Variants in PCDHGB2 observed in about 807,000 individuals in gnomAD.
PCDHGB2 encodes the protein protocadherin gamma-B2.
PCDHGB2 carries 55 observed loss-of-function variants against 59.3 expected under a neutral mutation model. The ratio of observed to expected loss-of-function variants is 0.93; its 90% CI spans 0.75 to 1.16. The LOEUF is 1.16. Among genes scored for constraint, PCDHGB2 ranks in the 50% most tolerant of loss-of-function variants. The pLI is 0.00. For missense variants in PCDHGB2, 1,228 were observed against 1,198.5 expected (o/e 1.02, Z -0.36); for synonymous variants, 516 against 512.0 (o/e 1.01, Z -0.11).
intron 1 of PCDHGB2, chr5:141,404,335 C>G (rs2094514976): frequency 1.2e-6 from 2 of 1,613,936 alleles, no homozygotes; most frequent in Non-Finnish European, 1.7e-6. Context: ...CAGTCTACCT[C>G]CCGGAAAACA....
intron 1 of PCDHGB2, chr5:141,418,983 A>T: frequency 6.2e-7 from 1 of 1,613,900 alleles, no homozygotes; most frequent in Admixed American, 1.7e-5. Context: ...CGGGACCAAG[A>T]CTCAGGGGAA....
intron 1 of PCDHGB2, chr5:141,403,515 G>A: frequency 6.2e-7 from 1 of 1,614,024 alleles, no homozygotes; most frequent in Non-Finnish European, 8.5e-7. Context: ...GGAGACAATG[G>A]AGCCATAAAC....
At position 141,362,551 on chromosome 5, in the gene PCDHGB2, T is replaced by C. The variant is rs767580299; in HGVS notation, c.2416T>C (p.Leu806=). ...AGVPFASDTI[L]KQAPPNTDWR... ...GGTCCCTTTTGCCTCAGATACTATT[T>C]TGAAGGTGAGCTTTAATTAATTTAT... is the stretch of plus-strand genomic sequence containing the variant. The change falls in exon 1 of 4, where the codon TTG becomes CTG. Residue 806 remains leucine, a synonymous_variant. Transcript: ENST00000522605. 4 of 1,612,614 alleles carry C rather than the reference T, an allele frequency of 2.5e-6. No individual in the cohort carries two copies. Among genetic ancestry groups the C allele is most frequent in the Non-Finnish European group, 3.4e-6 (4 of 1,179,384 alleles).
At chr5:141,403,868 A>T (rs2094463706) in intron 1 of PCDHGB2, 2 of 1,613,752 alleles carry the variant, frequency 1.2e-6, no homozygotes, top group Non-Finnish European at 1.7e-6. Context: ...AACAGCAAAA[A>T]GTCTAGATTA....
chr5:141,408,313 T>C, intron 1 of PCDHGB2: 1 of 1,613,758 alleles, frequency 6.2e-7, no homozygotes, highest in South Asian at 1.1e-5. Context: ...GCTACTCGAT[T>C]CCGGAGGAGC....
At chr5:141,438,637 C>T (rs11958903) in intron 1 of PCDHGB2, among the ~76,000 whole-genome samples, 3,503 of 30,116 alleles carry the variant, frequency 0.12, 108 homozygotes, top group Non-Finnish European at 0.15. Context: ...TATATATATA[C>T]ACACACACAC....
In PCDHGB2 at chr5:141,476,034, C is replaced by G. The variant is rs934044974; in HGVS notation, c.2422-18773C>G. On this transcript the variant is annotated intron_variant, in intron 1 of 3. Transcript: ENST00000522605. This position sits in a 1 kb window ranked among gnomAD's most constrained non-coding sequence, Gnocchi z 7.6. ...CCATGTCGGACTCGGCGCCCAGCGC[C>G]CAAGCGCTAACCCGCTGAAAGTTTC... The G allele has an allele frequency of 2.0e-6, 3 of 1,464,488 alleles. No homozygotes were observed. Among genetic ancestry groups the G allele is most frequent in the Non-Finnish European group, 2.7e-6 (3 of 1,100,656 alleles). 90.7% of individuals were successfully genotyped at this position (1,464,488 alleles called of 1,614,324 possible). A position where few individuals can be genotyped will look rare whatever the true frequency, so the allele number is the denominator to read the frequency against.
In PCDHGB2 at chr5:141,476,238, G is replaced by A; in HGVS notation, c.2422-18569G>A. The A allele has an allele frequency of 1.2e-6, 2 of 1,614,098 alleles. No individual in the cohort carries two copies. ...ATTCACTATGAGATCCCGGAGGAAAGAGAGAAGGGTTTCGCTGTGGGCAAC... is the reference window on the plus strand; with the variant it reads ...ATTCACTATGAGATCCCGGAGGAAAAAGAGAAGGGTTTCGCTGTGGGCAAC... On this transcript the variant is annotated intron_variant, in intron 1 of 3. Coordinates refer to ENST00000522605, the MANE Select transcript of PCDHGB2 (RefSeq NM_018923.3). The surrounding 1 kb of genome is among the most constrained non-coding windows in gnomAD (Gnocchi z 7.6).
intron 1 of PCDHGB2, among the ~76,000 whole-genome samples, chr5:141,367,981 T>C (rs908218120): frequency 6.6e-6 from 1 of 152,212 alleles, no homozygotes; most frequent in African/African-American, 2.4e-5. Context: ...TCATCTTAAA[T>C]TAATAGATTT....
At chr5:141,433,849 A>AC (rs1304649814) in intron 1 of PCDHGB2, among the ~76,000 whole-genome samples, 10 of 152,030 alleles carry the variant, frequency 6.6e-5, no homozygotes, top group Admixed American at 1.3e-4. Flanking sequence ...AAAAAAAAAA[A>AC]AAAAAACTTT....
At chr5:141,369,372 TA>T (rs1766193599) in intron 1 of PCDHGB2, among the ~76,000 whole-genome samples, 1 of 152,142 alleles carries the variant, frequency 6.6e-6, no homozygotes, top group Non-Finnish European at 1.5e-5. Flanking sequence ...ACATCCTTTG[TA>T]AAAGTTTTTC....
intron 1 of PCDHGB2, among the ~76,000 whole-genome samples, chr5:141,364,008 C>G (rs553317478): frequency 6.6e-6 from 1 of 152,076 alleles, no homozygotes; most frequent in African/African-American, 2.4e-5. Flanking sequence ...TCATAAACAA[C>G]GCTACACAGT....
rs1488506612 is a variant in PCDHGB2 at position 141,395,336 on chromosome 5, T to G, written c.2421+32780T>G. ...TTGTGAAGATAGTTGAAAATAATTTTTAAGGTGTATCACAGAGTTTTGGGT... is the reference window on the plus strand; with the variant it reads ...TTGTGAAGATAGTTGAAAATAATTTGTAAGGTGTATCACAGAGTTTTGGGT... On this transcript the variant is annotated intron_variant, in intron 1 of 3. Coordinates refer to ENST00000522605, the MANE Select transcript of PCDHGB2 (RefSeq NM_018923.3). 5 of 1,435,024 alleles carry G rather than the reference T, an allele frequency of 3.5e-6. No homozygotes were observed. In the African/African-American group the frequency reaches 4.3e-5, roughly 12 times the overall value. The allele number at this position is 1,435,024 out of a possible 1,614,324, so 88.9% of individuals were successfully genotyped here. A position where few individuals can be genotyped will look rare whatever the true frequency, so the allele number is the denominator to read the frequency against.
intron 1 of PCDHGB2, chr5:141,390,048 T>C (rs1307418187): frequency 1.2e-6 from 2 of 1,613,948 alleles, no homozygotes; most frequent in African/African-American, 1.3e-5. Context: ...CCCCGCCTCC[T>C]GGAGCTGCTT....
chr5:141,376,297 G>A (rs1283407370), intron 1 of PCDHGB2: 4 of 1,614,068 alleles, frequency 2.5e-6, no homozygotes, highest in Admixed American at 3.3e-5. Flanking sequence ...TGCCCGGCTC[G>A]CACTTTGTGG....
intron 3 of PCDHGB2, among the ~76,000 whole-genome samples, chr5:141,509,622 T>C (rs2099877603): frequency 6.6e-6 from 1 of 152,186 alleles, no homozygotes; most frequent in Non-Finnish European, 1.5e-5. Flanking sequence ...AACAAGTTCC[T>C]GGGTGATGCT....
chr5:141,505,118 C>T (rs544825360), intron 2 of PCDHGB2, among the ~76,000 whole-genome samples: 32 of 152,222 alleles, frequency 2.1e-4, no homozygotes, highest in African/African-American at 7.5e-4. Flanking sequence ...GCCAAGATCG[C>T]GCCACTGCAC....
At position 141,477,898 on chromosome 5, in the gene PCDHGB2, A is replaced by C; in HGVS notation, c.2422-16909A>C. The C allele has an allele frequency of 6.2e-7, 1 of 1,614,158 alleles. No individual in the cohort carries two copies. Among genetic ancestry groups the C allele is most frequent in the East Asian group, 2.2e-5 (1 of 44,864 alleles). ...CTGGCCACCTAGTGTCACGGGTGGT[A>C]GGCTGGGACGCGGATGCAGGGCACA... On this transcript the variant is annotated intron_variant, in intron 1 of 3. Transcript: ENST00000522605. This position sits in a 1 kb window ranked among gnomAD's most constrained non-coding sequence, Gnocchi z 4.9.
At chr5:141,365,292 C>T in intron 1 of PCDHGB2, 1 of 1,614,002 alleles carries the variant, frequency 6.2e-7, no homozygotes, top group Non-Finnish European at 8.5e-7. Flanking sequence ...GAAGTGGTAG[C>T]TCAGGATGGA....
Sources: allele counts gnomAD v4.1 joint callset (sites outside exome capture counted in the v4.1 genomes callset), GRCh38; gene constraint gnomAD v4.1.1; non-coding constraint Gnocchi (gnomAD v3.1); transcripts MANE v1.5; gene names NCBI Gene and HGNC (gene_info 2026-07-23, HGNC 2026-07-21).